PRDM16: variants seen among roughly 807,000 people sequenced by gnomAD.
PRDM16 encodes the protein histone-lysine N-methyltransferase PRDM16.
Under a neutral mutation model 110.6 loss-of-function variants are expected in PRDM16, and 23 were observed. That is an observed-to-expected ratio of 0.21 (90% confidence interval 0.15 to 0.29). The LOEUF (loss-of-function observed/expected upper bound fraction) is 0.29, where lower values mean the gene tolerates loss of function less well. Ranked by LOEUF, PRDM16 falls within the 10% of genes least tolerant of loss-of-function variation. The pLI is 1.00. For missense variants in PRDM16, 1,615 were observed against 1,794.3 expected, an observed-to-expected ratio of 0.90 and a Z score of 1.81; for synonymous variants, 799 against 781.8, an observed-to-expected ratio of 1.02 and a Z score of -0.37.
intron 3 of PRDM16, among the ~76,000 whole-genome samples, chr1:3,269,730 T>C (rs1223721096): frequency 6.9e-6 from 1 of 144,744 alleles, no homozygotes. Context: ...AGGAGGACAG[T>C]TGGGAGGACA....
chr1:3,406,700 A>G (rs565801451), intron 8 of PRDM16, among the ~76,000 whole-genome samples: 2 of 152,274 alleles, frequency 1.3e-5, no homozygotes, highest in Non-Finnish European at 1.5e-5. Flanking sequence ...CCAAGATCAC[A>G]CCACTGCACT....
chr1:3,416,949 A>G lies in PRDM16; in HGVS notation c.2692-879A>G, dbSNP rs561801230. Among the ~76,000 whole-genome samples, 3 of 152,328 alleles carry G rather than the reference A, an allele frequency of 2.0e-5. No individual in the cohort carries two copies. The South Asian group carries it at 6.2e-4, about 32-fold the overall frequency. On this transcript the variant is annotated intron_variant, in intron 10 of 16. Transcript: ENST00000270722. ...TCCTTCTCCACTGAGGTCAGCTCCAAATCTTCAAAGAGAAGGGGAGCTGGG... is the reference window on the plus strand; with the variant it reads ...TCCTTCTCCACTGAGGTCAGCTCCAGATCTTCAAAGAGAAGGGGAGCTGGG...
chr1:3,252,889 G>T (rs962834900), intron 3 of PRDM16, among the ~76,000 whole-genome samples: 2 of 152,162 alleles, frequency 1.3e-5, no homozygotes, highest in African/African-American at 4.8e-5. Context: ...GGTGGAGGCG[G>T]GAAGGAGGGT....
chr1:3,356,229 A>G (rs1417646497), intron 3 of PRDM16, among the ~76,000 whole-genome samples: 1 of 152,154 alleles, frequency 6.6e-6, no homozygotes, highest in African/African-American at 2.4e-5. Flanking sequence ...GAGCAGGCCG[A>G]CGTGTCTGGT....
chr1:3,209,106 C>T lies in PRDM16; in HGVS notation c.387+22632C>T, dbSNP rs568022893. Among the ~76,000 whole-genome samples, 1 of 152,278 alleles carries T rather than the reference C, an allele frequency of 6.6e-6. No individual in the cohort carries two copies. The highest frequency in any genetic ancestry group is 1.9e-4 in the East Asian group (1 of 5,182). On this transcript the variant is annotated intron_variant, in intron 2 of 16. Coordinates refer to ENST00000270722, the MANE Select transcript of PRDM16 (RefSeq NM_022114.4). This position sits in a 1 kb window ranked among gnomAD's most constrained non-coding sequence, Gnocchi z 4.6. The stretch of plus-strand genomic sequence containing the variant: ...AGGGAATGCCCTGTGCCAACCTAAA[C>T]CTGGGGCAGGGTGGACAGCAGGTGG...
chr1:3,328,462 T>C (rs1400938251), intron 3 of PRDM16, among the ~76,000 whole-genome samples: 1 of 152,084 alleles, frequency 6.6e-6, no homozygotes, highest in African/African-American at 2.4e-5. Context: ...CGCGGAGCTT[T>C]CGTCACTCGC....
chr1:3,142,904 C>T (rs1643579873), intron 1 of PRDM16, among the ~76,000 whole-genome samples: 1 of 152,202 alleles, frequency 6.6e-6, no homozygotes, highest in South Asian at 2.1e-4. Flanking sequence ...GCTGGCCAGA[C>T]CCTGAGCTGC....
At chr1:3,086,840 G>A (rs371549073) in intron 1 of PRDM16, among the ~76,000 whole-genome samples, 2 of 152,158 alleles carry the variant, frequency 1.3e-5, no homozygotes, top group Non-Finnish European at 2.9e-5. Flanking sequence ...ATGCGCTCGC[G>A]CCTGGAGATT....
chr1:3,338,141 C>T (rs1642200164), intron 3 of PRDM16, among the ~76,000 whole-genome samples: 1 of 152,242 alleles, frequency 6.6e-6, no homozygotes, highest in Non-Finnish European at 1.5e-5. Context: ...GTCATTTATT[C>T]CATTCTCATC....
chr1:3,352,125 C>T (rs1250891979), intron 3 of PRDM16, among the ~76,000 whole-genome samples: 7 of 152,212 alleles, frequency 4.6e-5, no homozygotes, highest in African/African-American at 1.4e-4. Context: ...CCTGGCACAC[C>T]GGTGCATGGT....
rs1360099384 is a variant in PRDM16 at position 3,329,952 on chromosome 1, A to G, written c.439-55200A>G. On this transcript the variant is annotated intron_variant, in intron 3 of 16. Coordinates refer to ENST00000270722, the MANE Select transcript of PRDM16 (RefSeq NM_022114.4). The stretch of plus-strand genomic sequence containing the variant: ...GCACCCAGGAGGTGGGTCAGGGGAA[A>G]GGACAGTTGTCTCTGGAAGGAGGCT... 2.6e-5 allele frequency among the ~76,000 whole-genome samples: 4 copies of G among 152,382 alleles called. No individual in the cohort carries two copies. In the East Asian group the frequency reaches 7.7e-4, roughly 29 times the overall value.
intron 1 of PRDM16, among the ~76,000 whole-genome samples, chr1:3,114,167 A>G (rs796071637): frequency 2.0e-3 from 183 of 92,144 alleles, no homozygotes; most frequent in African/African-American, 6.9e-3. Flanking sequence ...ACACACACGC[A>G]CACACACGCA....
intron 3 of PRDM16, among the ~76,000 whole-genome samples, chr1:3,341,033 A>ACCC (rs1394150900): frequency 6.7e-6 from 1 of 150,022 alleles, no homozygotes; most frequent in African/African-American, 2.5e-5. Flanking sequence ...GATGTGTCCA[A>ACCC]CCCCGCACGC....
chr1:3,138,242 G>T (rs1020429043), intron 1 of PRDM16, among the ~76,000 whole-genome samples: 1 of 152,234 alleles, frequency 6.6e-6, no homozygotes, highest in Admixed American at 6.5e-5. Flanking sequence ...GTGTGGCTTT[G>T]TGCAGAAAGG....
At chr1:3,275,318 T>C (rs1222844473) in intron 3 of PRDM16, among the ~76,000 whole-genome samples, 1 of 152,122 alleles carries the variant, frequency 6.6e-6, no homozygotes, top group Non-Finnish European at 1.5e-5. Context: ...CAACCGGATA[T>C]CGGGAATGAA....
Position 3,194,795 on chromosome 1 carries a change from C to T in PRDM16, c.387+8321C>T, listed in dbSNP as rs142835031. ...TCAGTCCCACGTTTTATCATCTAAA[C>T]GCCAAAACTCGTTCCTGGCCTGCCC... On this transcript the variant is annotated intron_variant, in intron 2 of 16. Coordinates refer to ENST00000270722, the MANE Select transcript of PRDM16 (RefSeq NM_022114.4). 5.9e-5 allele frequency among the ~76,000 whole-genome samples: 9 copies of T among 152,120 alleles called. No homozygotes were observed. In the East Asian group the frequency reaches 9.7e-4, roughly 16 times the overall value.
At chr1:3,219,878 C>T (rs1639114579) in intron 2 of PRDM16, among the ~76,000 whole-genome samples, 1 of 152,248 alleles carries the variant, frequency 6.6e-6, no homozygotes, top group Non-Finnish European at 1.5e-5. Flanking sequence ...AGCTCCCCCA[C>T]AGGCATGAGG....
intron 3 of PRDM16, among the ~76,000 whole-genome samples, chr1:3,351,945 A>G (rs1175290788): frequency 6.6e-6 from 1 of 151,382 alleles, no homozygotes; most frequent in African/African-American, 2.4e-5. Context: ...GCTGGGCTGT[A>G]CCATCCTCAG....
In PRDM16 at chr1:3,352,357, T is replaced by C. The variant is rs139526803; in HGVS notation, c.439-32795T>C. ...GTGGTCCTGGCGGCTGGCTGCAGCTTTTAATTGTTTTTCTCCCCCCAGATG... is the reference window on the plus strand; with the variant it reads ...GTGGTCCTGGCGGCTGGCTGCAGCTCTTAATTGTTTTTCTCCCCCCAGATG... On this transcript the variant is annotated intron_variant, in intron 3 of 16. Transcript: ENST00000270722. Among the ~76,000 whole-genome samples, 436 of 152,258 alleles carry C rather than the reference T, an allele frequency of 2.9e-3. 2 individuals carry two copies. The highest frequency in any genetic ancestry group is 0.01 in the African/African-American group (421 of 41,550).
Sources: allele counts gnomAD v4.1 joint callset (sites outside exome capture counted in the v4.1 genomes callset), GRCh38; gene constraint gnomAD v4.1.1; non-coding constraint Gnocchi (gnomAD v3.1); transcripts MANE v1.5; gene names NCBI Gene and HGNC (gene_info 2026-07-23, HGNC 2026-07-21).